MYLK: variants seen among roughly 807,000 people sequenced by gnomAD.
MYLK encodes the protein myosin light chain kinase.
In MYLK, 106 loss-of-function variants were observed where a neutral mutation model predicts 203.4. That is an observed-to-expected ratio of 0.52 (90% confidence interval 0.45 to 0.61). The LOEUF is 0.61. Among genes scored for constraint, MYLK ranks in the 20% least tolerant of loss-of-function variants. The pLI, the probability that MYLK is intolerant of heterozygous loss-of-function variation, is 0.00. For missense variants in MYLK, 2,072 were observed against 2,442.3 expected, an observed-to-expected ratio of 0.85 and a Z score of 3.20; for synonymous variants, 867 against 959.5, an observed-to-expected ratio of 0.90 and a Z score of 1.78.
chr3:123,860,686 C>CT (rs1396237622), intron 2 of MYLK, among the ~76,000 whole-genome samples: 2 of 152,180 alleles, frequency 1.3e-5, no homozygotes, highest in Non-Finnish European at 2.9e-5. Context: ...ACTCAGTGTG[C>CT]TCCCATCCTC....
intron 31 of MYLK, among the ~76,000 whole-genome samples, chr3:123,625,806 CAAAA>C (rs11288924): frequency 1.1e-4 from 10 of 95,070 alleles, no homozygotes; most frequent in Non-Finnish European, 1.6e-4. Context: ...GACTCCATCT[CAAAA>C]AAAAAAAAAA....
chr3:123,681,956 G>C, intron 20 of MYLK: 1 of 517,364 alleles, frequency 1.9e-6, no homozygotes, highest in Non-Finnish European at 3.5e-6. Flanking sequence ...AGGTTGGGCA[G>C]GGGAGGTAGA....
intron 2 of MYLK, among the ~76,000 whole-genome samples, chr3:123,841,013 G>C (rs2066579463): frequency 6.6e-6 from 1 of 152,082 alleles, no homozygotes; most frequent in Non-Finnish European, 1.5e-5. Context: ...ACATGGTGGA[G>C]ACTTCAAACA....
At chr3:123,672,980 A>G (rs1468011486) in intron 20 of MYLK, among the ~76,000 whole-genome samples, 1 of 152,096 alleles carries the variant, frequency 6.6e-6, no homozygotes, top group Non-Finnish European at 1.5e-5. Flanking sequence ...GAAAAAGGAG[A>G]TGGCATCTCA....
chr3:123,703,240 C>T (rs891409608), intron 16 of MYLK, among the ~76,000 whole-genome samples: 7 of 152,326 alleles, frequency 4.6e-5, no homozygotes, highest in South Asian at 2.1e-4. Context: ...GGCTCTGGGG[C>T]GCTGCTCACC....
chr3:123,834,556 G>A (rs572501866), intron 2 of MYLK, among the ~76,000 whole-genome samples: 2 of 152,096 alleles, frequency 1.3e-5, no homozygotes, highest in East Asian at 3.9e-4. Flanking sequence ...CAGGTTGCAC[G>A]GGGTTAAGGG....
chr3:123,652,959 A>C (rs1168588253), intron 24 of MYLK, among the ~76,000 whole-genome samples: 1 of 152,126 alleles, frequency 6.6e-6, no homozygotes. Context: ...TGCCCATGGC[A>C]GTGCCTAGAA....
rs2057287087 is a variant in MYLK, at chr3:123,612,974, A to C, written c.*1131T>G. 2 of 152,658 alleles carry C rather than the reference A, an allele frequency of 1.3e-5. No homozygotes were observed. The highest frequency in any genetic ancestry group is 4.1e-4 in the South Asian group (2 of 4,828). The allele number at this position is 152,658 out of a possible 1,614,324, so 9.5% of individuals were successfully genotyped here. A position where few individuals can be genotyped will look rare whatever the true frequency, so the allele number is the denominator to read the frequency against. Reference sequence around the variant, plus strand: ...AAAGTTAAAAATTCCTAAAGACGCAAGTCTGAGTGCATTTACCAGGTCTAA... The same window carrying C: ...AAAGTTAAAAATTCCTAAAGACGCACGTCTGAGTGCATTTACCAGGTCTAA... On this transcript the variant is annotated 3_prime_UTR_variant, in exon 34 of 34. Coordinates refer to ENST00000360304, the MANE Select transcript of MYLK (RefSeq NM_053025.4).
intron 4 of MYLK, among the ~76,000 whole-genome samples, chr3:123,775,176 C>T (rs1021960373): frequency 1.3e-5 from 2 of 152,094 alleles, no homozygotes; most frequent in Admixed American, 6.6e-5. Context: ...TTGCATACCA[C>T]CATGCCCAGC....
Position 123,649,172 on chromosome 3 carries a change from C to T in MYLK, c.4311G>A (p.Val1437=), listed in dbSNP as rs2059124015. ...AGGGGCTGCACTCACCATCATCTGACACCTCCACTTCATCCTTCGGCTCTG... is the reference window on the plus strand; with the variant it reads ...AGGGGCTGCACTCACCATCATCTGATACCTCCACTTCATCCTTCGGCTCTG... ...KPEEPKDEVE[V]SDDDEKEPEV... The change falls in exon 25 of 34, where the codon GTG becomes GTA. Residue 1437 remains valine, a synonymous_variant. Transcript: ENST00000360304. 3 of 1,613,230 alleles carry T rather than the reference C, an allele frequency of 1.9e-6. No homozygotes were observed. Among genetic ancestry groups the T allele is most frequent in the East Asian group, 2.2e-5 (1 of 44,870 alleles).
chr3:123,802,936 C>G (rs1459523948), intron 3 of MYLK, among the ~76,000 whole-genome samples: 2 of 152,172 alleles, frequency 1.3e-5, no homozygotes, highest in African/African-American at 4.8e-5. Context: ...ACCACTGTCT[C>G]CTTCTCAAAT....
intron 4 of MYLK, among the ~76,000 whole-genome samples, chr3:123,766,938 G>C (rs918321308): frequency 6.6e-6 from 1 of 152,232 alleles, no homozygotes; most frequent in Non-Finnish European, 1.5e-5. Context: ...CTGTTTGGGG[G>C]CTGGGGAGCA....
intron 2 of MYLK, among the ~76,000 whole-genome samples, chr3:123,843,843 CTGTT>C (rs762317614): frequency 3.9e-5 from 6 of 152,186 alleles, no homozygotes; most frequent in East Asian, 1.9e-4. Flanking sequence ...TTTTAAGCCT[CTGTT>C]TGAGCACTGT....
chr3:123,823,281 A>C (rs2065998510), intron 3 of MYLK, among the ~76,000 whole-genome samples: 1 of 152,142 alleles, frequency 6.6e-6, no homozygotes, highest in Non-Finnish European at 1.5e-5. Context: ...ATCTCCACAC[A>C]CATTTCTTAT....
At chr3:123,623,341 T>C (rs1293217514) in intron 31 of MYLK, 1 of 152,244 alleles carries the variant, frequency 6.6e-6, no homozygotes, top group Non-Finnish European at 1.5e-5. Context: ...TCTAGTCTTT[T>C]GCTTCCAGTG....
chr3:123,637,073 T>C (rs1420037225), intron 29 of MYLK, among the ~76,000 whole-genome samples: 1 of 152,172 alleles, frequency 6.6e-6, no homozygotes, highest in African/African-American at 2.4e-5. Context: ...AAAGTATTCA[T>C]AGAGGTCTTC....
At chr3:123,858,644 A>C (rs1190912957) in intron 2 of MYLK, among the ~76,000 whole-genome samples, 2 of 151,978 alleles carry the variant, frequency 1.3e-5, no homozygotes, top group African/African-American at 2.4e-5. Flanking sequence ...TTAACACATT[A>C]ATCTGTGAAT....
In MYLK at chr3:123,665,335, G is replaced by T. The variant is rs371068635; in HGVS notation, c.3831+884C>A. Among the ~76,000 whole-genome samples the T allele has an allele frequency of 5.3e-5, 8 of 152,294 alleles. No individual in the cohort carries two copies. The East Asian group carries it at 9.6e-4, about 18-fold the overall frequency. On this transcript the variant is annotated intron_variant, in intron 22 of 33. Transcript: ENST00000360304. ...ACTTGGCTAAATGTCTCTGAAAAGTGATGAGATTCCATCTTATTTCAGACA... is the reference window on the plus strand; with the variant it reads ...ACTTGGCTAAATGTCTCTGAAAAGTTATGAGATTCCATCTTATTTCAGACA...
chr3:123,754,253 C>A (rs2063295285), intron 4 of MYLK, among the ~76,000 whole-genome samples: 2 of 152,138 alleles, frequency 1.3e-5, no homozygotes, highest in Admixed American at 1.3e-4. Context: ...AGTGAACAAT[C>A]CCTCTTTGAT....
Sources: gnomAD v4.1 joint callset for allele counts (sites outside exome capture counted in the v4.1 genomes callset) on GRCh38, gnomAD v4.1.1 for gene constraint, MANE v1.5 for transcripts, NCBI Gene and HGNC (gene_info 2026-07-23, HGNC 2026-07-21) for gene names.